Variants in PAPPA2 observed in about 807,000 individuals in gnomAD.
PAPPA2 encodes the protein pappalysin 2, also known as pappalysin-2.
A neutral mutation model predicts 176.4 loss-of-function variants in PAPPA2; 86 were observed. The observed-to-expected ratio is 0.49, with a 90% CI of 0.41 to 0.58. PAPPA2 has a LOEUF of 0.58. PAPPA2 is among the 20% of genes least tolerant of loss of function. PAPPA2 has a pLI of 0.00. For missense variants in PAPPA2, 2,073 were observed against 2,256.9 expected, an observed-to-expected ratio of 0.92 and a Z score of 1.65; for synonymous variants, 809 against 852.2, an observed-to-expected ratio of 0.95 and a Z score of 0.88.
intron 17 of PAPPA2, among the ~76,000 whole-genome samples, chr1:176,773,196 A>C (rs1664311118): frequency 6.6e-6 from 1 of 152,154 alleles, no homozygotes; most frequent in Admixed American, 6.5e-5. Context: ...GGAAAGATTA[A>C]ATTATTTACC....
intron 21 of PAPPA2, among the ~76,000 whole-genome samples, chr1:176,839,120 A>C (rs1398061004): frequency 6.6e-6 from 1 of 152,182 alleles, no homozygotes; most frequent in African/African-American, 2.4e-5. Flanking sequence ...TTCAGAACTC[A>C]AGAGTTCTGT....
At chr1:176,536,256 C>T (rs767152899) in intron 1 of PAPPA2, among the ~76,000 whole-genome samples, 2 of 152,106 alleles carry the variant, frequency 1.3e-5, no homozygotes, top group Non-Finnish European at 2.9e-5. Context: ...GATATTTTGC[C>T]CTGGACTGCT....
chr1:176,786,758 G>A (rs1428287819), intron 17 of PAPPA2, among the ~76,000 whole-genome samples: 1 of 152,156 alleles, frequency 6.6e-6, no homozygotes, highest in African/African-American at 2.4e-5. Context: ...TTTTGAATAA[G>A]CTTTAATTTT....
chr1:176,746,598 G>T (rs550593636), intron 14 of PAPPA2, among the ~76,000 whole-genome samples: 1 of 152,154 alleles, frequency 6.6e-6, no homozygotes, highest in East Asian at 1.9e-4. Flanking sequence ...GAGCTAATTA[G>T]AAATTCATAT....
chr1:176,676,121 A>G (rs953293810), intron 4 of PAPPA2, among the ~76,000 whole-genome samples: 2 of 152,120 alleles, frequency 1.3e-5, no homozygotes, highest in African/African-American at 4.8e-5. Context: ...TCTCTCATAC[A>G]TTGATGGTGG....
At chr1:176,470,598 T>G (rs139620567) in intron 1 of PAPPA2, among the ~76,000 whole-genome samples, 1 of 152,126 alleles carries the variant, frequency 6.6e-6, no homozygotes, top group Non-Finnish European at 1.5e-5. Context: ...AAAATAGAAC[T>G]AATTGGAGGA....
chr1:176,553,976 G>GGA (rs1201856292), intron 1 of PAPPA2, among the ~76,000 whole-genome samples: 2 of 151,264 alleles, frequency 1.3e-5, no homozygotes, highest in African/African-American at 2.4e-5. Flanking sequence ...AGAAAGAGAG[G>GGA]GAGAGAGAGA....
chr1:176,549,700 G>A (rs1252585102), intron 1 of PAPPA2, among the ~76,000 whole-genome samples: 1 of 152,174 alleles, frequency 6.6e-6, no homozygotes, highest in Admixed American at 6.5e-5. Context: ...CCAGTGGAGA[G>A]TTCAGGCACA....
rs939165431 is a variant in PAPPA2 at position 176,557,029 on chromosome 1, C to T, written c.707C>T (p.Pro236Leu). The change falls in exon 2 of 23, where the codon CCG becomes CTG. Residue 236 changes from proline (P) to leucine (L), a missense_variant. Physicochemically the swap from Pro to Leu is moderately conservative, Grantham distance 98 (BLOSUM62 -3). Coordinates refer to ENST00000367662, the MANE Select transcript of PAPPA2 (RefSeq NM_020318.3). Reference sequence around the variant, plus strand: ...AAACACAGGGTCAAAAAGAGTCCACCGGAGGAAAGCAACCAAAATGGTGGA... The same window carrying T: ...AAACACAGGGTCAAAAAGAGTCCACTGGAGGAAAGCAACCAAAATGGTGGA... ...SLKHRVKKSP[P>L]EESNQNGGEG... The T allele has an allele frequency of 1.4e-5, 23 of 1,613,904 alleles. No homozygotes were observed. Among genetic ancestry groups the T allele is most frequent in the African/African-American group, 4.0e-5 (3 of 74,874 alleles).
chr1:176,806,513 T>C (rs1665914429), intron 21 of PAPPA2, among the ~76,000 whole-genome samples: 1 of 152,174 alleles, frequency 6.6e-6, no homozygotes, highest in African/African-American at 2.4e-5. Context: ...AAAAACCCTG[T>C]CATGAGTGGA....
At position 176,800,150 on chromosome 1, in the gene PAPPA2, T is replaced by C. The variant is rs761091071; in HGVS notation, c.5202+18T>C. ...CATGTGAGGTAAGATAGCCTCCCCT[T>C]CCCCAACTCAGACTAGAGAACTCAG... On this transcript the variant is annotated intron_variant, in intron 21 of 22. Transcript: ENST00000367662. The C allele has an allele frequency of 5.0e-6, 8 of 1,613,054 alleles. No homozygotes were observed. In the Admixed American group the frequency reaches 1.3e-4, roughly 27 times the overall value.
At chr1:176,755,825 G>A (rs1350034862) in intron 14 of PAPPA2, among the ~76,000 whole-genome samples, 2 of 152,082 alleles carry the variant, frequency 1.3e-5, no homozygotes, top group Non-Finnish European at 2.9e-5. Context: ...TTGACTGGAA[G>A]CATTACCAAT....
intron 1 of PAPPA2, among the ~76,000 whole-genome samples, chr1:176,473,698 T>C (rs1188888479): frequency 1.3e-5 from 2 of 152,238 alleles, no homozygotes; most frequent in African/African-American, 4.8e-5. Context: ...GCATTTGGCA[T>C]TATCAGTGTT....
intron 14 of PAPPA2, among the ~76,000 whole-genome samples, chr1:176,753,501 T>C (rs559633487): frequency 6.6e-6 from 1 of 151,554 alleles, no homozygotes; most frequent in Non-Finnish European, 1.5e-5. Context: ...CAGTCCTATG[T>C]AGAACGTTTG....
chr1:176,710,956 C>A (rs924235779), intron 11 of PAPPA2, among the ~76,000 whole-genome samples: 3 of 152,096 alleles, frequency 2.0e-5, no homozygotes, highest in Non-Finnish European at 4.4e-5. Context: ...GGCTGCAGTT[C>A]TCCTAGGCGT....
chr1:176,528,872 C>T (rs998046306), intron 1 of PAPPA2, among the ~76,000 whole-genome samples: 4 of 152,168 alleles, frequency 2.6e-5, no homozygotes, highest in Admixed American at 6.5e-5. Flanking sequence ...CTCCAACCTA[C>T]CTTATCAAGA....
At chr1:176,761,214 G>A (rs1225862030) in intron 14 of PAPPA2, among the ~76,000 whole-genome samples, 1 of 152,164 alleles carries the variant, frequency 6.6e-6, no homozygotes, top group African/African-American at 2.4e-5. Flanking sequence ...GAGACAAAGA[G>A]CAAATCTAGG....
intron 1 of PAPPA2, among the ~76,000 whole-genome samples, chr1:176,504,538 G>A (rs1648143748): frequency 6.6e-6 from 1 of 152,054 alleles, no homozygotes; most frequent in African/African-American, 2.4e-5. Flanking sequence ...AGTCATTTAA[G>A]CACAGACTGT....
At chr1:176,676,784 A>C (rs2102783686) in intron 4 of PAPPA2, among the ~76,000 whole-genome samples, 2 of 152,222 alleles carry the variant, frequency 1.3e-5, no homozygotes, top group Middle Eastern at 6.8e-3. Flanking sequence ...GAAATCTGAT[A>C]GACATCTATG....
Sources: gnomAD v4.1 joint callset for allele counts (sites outside exome capture counted in the v4.1 genomes callset) on GRCh38, gnomAD v4.1.1 for gene constraint, MANE v1.5 for transcripts, NCBI Gene and HGNC (gene_info 2026-07-23, HGNC 2026-07-21) for gene names.